Variants in OBI1 observed in about 807,000 individuals in gnomAD.
OBI1 encodes ORC ubiquitin ligase 1, also known as ring finger protein 219.
A neutral mutation model predicts 62.4 loss-of-function variants in OBI1; 59 were observed. The observed-to-expected ratio is 0.95, with a 90% CI of 0.77 to 1.17. The LOEUF is 1.17. OBI1 is among the 50% of genes most tolerant of loss of function. The pLI is 0.00. For missense variants in OBI1, 875 were observed against 830.9 expected (o/e 1.05, Z -0.65); for synonymous variants, 302 against 292.8 (o/e 1.03, Z -0.32).
At chr13:78,625,332 C>T (rs1362542445) in intron 5 of OBI1, among the ~76,000 whole-genome samples, 9 of 152,176 alleles carry the variant, frequency 5.9e-5, no homozygotes, top group Non-Finnish European at 1.0e-4. Context: ...GGATTAGTAT[C>T]TACCTGTCTA....
At chr13:78,650,399 G>A (rs1593801363) in intron 1 of OBI1, among the ~76,000 whole-genome samples, 1 of 152,184 alleles carries the variant, frequency 6.6e-6, no homozygotes, top group East Asian at 1.9e-4. Flanking sequence ...TGGTATAACT[G>A]CCTTCTCTAA....
At chr13:78,654,380 T>C (rs1876636457) in intron 1 of OBI1, among the ~76,000 whole-genome samples, 1 of 152,228 alleles carries the variant, frequency 6.6e-6, no homozygotes, top group Admixed American at 6.5e-5. Context: ...TGGCTTTTTT[T>C]CAAAGCAAAT....
chr13:78,651,506 T>A (rs184435086), intron 1 of OBI1, among the ~76,000 whole-genome samples: 3 of 152,170 alleles, frequency 2.0e-5, no homozygotes, highest in African/African-American at 7.2e-5. Flanking sequence ...TGTTCACCAA[T>A]AAGAATATGA....
At chr13:78,651,128 A>T (rs1876531503) in intron 1 of OBI1, among the ~76,000 whole-genome samples, 1 of 152,234 alleles carries the variant, frequency 6.6e-6, no homozygotes, top group Non-Finnish European at 1.5e-5. Flanking sequence ...TACATCTCAG[A>T]ATAGTCAAAA....
chr13:78,638,741 T>A (rs571738824), intron 4 of OBI1, 82 bp downstream of exon 4: 1 of 1,250,418 alleles, frequency 8.0e-7, no homozygotes, highest in East Asian at 2.3e-5. Flanking sequence ...TGATGATGAG[T>A]CAAGATAATA....
At chr13:78,618,185 C>T (rs1351344635) in intron 5 of OBI1, among the ~76,000 whole-genome samples, 1 of 152,140 alleles carries the variant, frequency 6.6e-6, no homozygotes, top group East Asian at 1.9e-4. Context: ...ACCTTATCTC[C>T]TCCAAAATTC....
chr13:78,626,347 T>C (rs1226160590), intron 5 of OBI1, among the ~76,000 whole-genome samples: 1 of 152,226 alleles, frequency 6.6e-6, no homozygotes, highest in Non-Finnish European at 1.5e-5. Flanking sequence ...CACACATATA[T>C]ACGTATTTTG....
At chr13:78,653,026 G>A (rs773433652) in intron 1 of OBI1, among the ~76,000 whole-genome samples, 18 of 152,226 alleles carry the variant, frequency 1.2e-4, no homozygotes, top group Non-Finnish European at 1.6e-4. Context: ...AGATGTTCCA[G>A]TCTTAAGAGA....
Position 78,616,409 on chromosome 13 carries a change from T to G in OBI1, c.1352A>C (p.Glu451Ala). Residue 451 changes from glutamate to alanine, a missense_variant, in exon 6 of 6, where the codon GAA becomes GCA. Transcript: ENST00000282003. ...AAAACATTCTGATTTCTTTTCATTT[T>G]CACTTCTACTTATATCATCTTCTGA... ...DSSEDDISRS[E>A]NEKKSECFSS... 6.2e-7 allele frequency: 1 copy of G among 1,612,810 alleles called. No individual in the cohort carries two copies. The highest frequency in any genetic ancestry group is 8.5e-7 in the Non-Finnish European group (1 of 1,179,440).
chr13:78,634,090 A>AAAACAAG, intron 5 of OBI1, among the ~76,000 whole-genome samples: 1 of 124,262 alleles, frequency 8.0e-6, no homozygotes, highest in Non-Finnish European at 1.8e-5. Context: ...CAAAAAACAA[A>AAAACAAG]AAACAAAAAA....
At chr13:78,654,591 A>G (rs917366773) in intron 1 of OBI1, among the ~76,000 whole-genome samples, 1 of 152,206 alleles carries the variant, frequency 6.6e-6, no homozygotes, top group African/African-American at 2.4e-5. Flanking sequence ...CTCTAGCCCT[A>G]TATTTTCAAT....
intron 5 of OBI1, among the ~76,000 whole-genome samples, chr13:78,624,820 T>C (rs537705603): frequency 6.6e-6 from 1 of 152,282 alleles, no homozygotes; most frequent in East Asian, 1.9e-4. Context: ...TCACCCTACT[T>C]GCTTCTGTGG....
In OBI1 at chr13:78,658,908, TC is replaced by T. The variant is rs560414181; in HGVS notation, c.72+140del. On this transcript the variant is annotated intron_variant, in intron 1 of 5. Transcript: ENST00000282003. ...TACCCCCATCTCCCAGGACGCGGCC[TC>T]CCATCAAGAACGCGGGTTAGCGTTT... 417 of 661,698 alleles carry T rather than the reference TC, an allele frequency of 6.3e-4. 2 individuals carry two copies. In the African/African-American group the frequency reaches 6.5e-3, roughly 10 times the overall value. 41.0% of individuals were successfully genotyped at this position (661,698 alleles called of 1,614,324 possible).
rs144703781 is a variant in OBI1, at chr13:78,616,060, T to C, written c.1701A>G (p.Leu567=). ...NGFKSLDLDG[L]SKSSQGSEFL... is the part of the protein sequence containing the mutation. ...ATTCACTGCCTTGAGATGACTTTGA[T>C]AACCCATCCAAATCCAGTGACTTAA... The change falls in exon 6 of 6, where the codon TTA becomes TTG. Residue 567 remains leucine, a synonymous_variant. Coordinates refer to ENST00000282003, the MANE Select transcript of OBI1 (RefSeq NM_024546.4). 115 of 1,614,192 alleles carry C rather than the reference T, an allele frequency of 7.1e-5. No homozygotes were observed. The African/African-American group carries it at 1.4e-3, about 19-fold the overall frequency.
chr13:78,657,608 A>C (rs1044763925), intron 1 of OBI1, among the ~76,000 whole-genome samples: 1 of 152,224 alleles, frequency 6.6e-6, no homozygotes, highest in Admixed American at 6.5e-5. Flanking sequence ...GTTAAATACA[A>C]AAAGTATAGG....
chr13:78,624,706 G>A (rs886513477), intron 5 of OBI1, among the ~76,000 whole-genome samples: 7 of 152,156 alleles, frequency 4.6e-5, no homozygotes, highest in Non-Finnish European at 1.0e-4. Flanking sequence ...GGAACAGACA[G>A]CTCCCTTTTG....
chr13:78,621,583 T>A (rs1262021729), intron 5 of OBI1, among the ~76,000 whole-genome samples: 3 of 152,202 alleles, frequency 2.0e-5, no homozygotes, highest in African/African-American at 7.2e-5. Flanking sequence ...TAAACAATGA[T>A]AACATTGGAA....
intron 1 of OBI1, among the ~76,000 whole-genome samples, chr13:78,655,082 A>G (rs1454231242): frequency 1.3e-5 from 2 of 152,036 alleles, no homozygotes; most frequent in East Asian, 3.8e-4. Context: ...AATCTCCTTC[A>G]CCCTTTCATA....
rs139913048 is a variant in OBI1 at position 78,658,294 on chromosome 13, G to A, written c.72+755C>T. ...TGCTCTTTAAAACACCGAAAGTGAG[G>A]CACAAATGGAAATGAAAGAGGAGAG... On this transcript the variant is annotated intron_variant, in intron 1 of 5. Transcript: ENST00000282003. Among the ~76,000 whole-genome samples, 271 of 152,208 alleles carry A rather than the reference G, an allele frequency of 1.8e-3. 2 individuals are homozygous for A. Among genetic ancestry groups the A allele is most frequent in the African/African-American group, 5.1e-3 (211 of 41,528 alleles).
Sources: gnomAD v4.1 joint callset for allele counts (sites outside exome capture counted in the v4.1 genomes callset) on GRCh38, gnomAD v4.1.1 for gene constraint, MANE v1.5 for transcripts, NCBI Gene and HGNC (gene_info 2026-07-23, HGNC 2026-07-21) for gene names.